Variants in CDIN1 observed in about 807,000 individuals in gnomAD.
The protein encoded by CDIN1 is CDAN1-interacting nuclease 1.
In CDIN1, 33 loss-of-function variants were observed where a neutral mutation model predicts 45.3. The ratio of observed to expected loss-of-function variants is 0.73; its 90% CI spans 0.55 to 0.97. The LOEUF (loss-of-function observed/expected upper bound fraction) is 0.97. Among genes scored for constraint, CDIN1 ranks in the 50% least tolerant of loss-of-function variants. The pLI, the probability that CDIN1 is intolerant of heterozygous loss-of-function variation, is 0.00. For synonymous variants in CDIN1, 118 were observed against 124.4 expected, an observed-to-expected ratio of 0.95 and a Z score of 0.34; for missense variants, 303 against 339.4, an observed-to-expected ratio of 0.89 and a Z score of 0.84.
chr15:36,769,133 C>A (rs1306660267), intron 10 of CDIN1, among the ~76,000 whole-genome samples: 2 of 152,112 alleles, frequency 1.3e-5, no homozygotes, highest in African/African-American at 4.8e-5. Context: ...ATTGAATATG[C>A]CTTTGGTTAG....
chr15:36,786,555 T>C (rs970127726), intron 10 of CDIN1, among the ~76,000 whole-genome samples: 1 of 152,174 alleles, frequency 6.6e-6, no homozygotes, highest in Non-Finnish European at 1.5e-5. Flanking sequence ...TTTCATAAGG[T>C]CAACTGTTTT....
chr15:36,772,631 A>C (rs1039621320), intron 10 of CDIN1, among the ~76,000 whole-genome samples: 5 of 152,190 alleles, frequency 3.3e-5, no homozygotes, highest in Non-Finnish European at 5.9e-5. Flanking sequence ...ATTGCTGTGC[A>C]CAAAGCCTGG....
chr15:36,772,364 C>T (rs2054102426), intron 10 of CDIN1, among the ~76,000 whole-genome samples: 1 of 152,162 alleles, frequency 6.6e-6, no homozygotes, highest in Admixed American at 6.5e-5. Context: ...CTTTGTTCCC[C>T]ACTCTGGGTA....
At chr15:36,727,879 A>AGG (rs2043696060) in intron 10 of CDIN1, among the ~76,000 whole-genome samples, 1 of 152,232 alleles carries the variant, frequency 6.6e-6, no homozygotes, top group African/African-American at 2.4e-5. Flanking sequence ...GGTAAAAAGT[A>AGG]GACCCTGGTA....
At chr15:36,653,862 C>T (rs1448128675) in intron 3 of CDIN1, among the ~76,000 whole-genome samples, 1 of 152,056 alleles carries the variant, frequency 6.6e-6, no homozygotes, top group Non-Finnish European at 1.5e-5. Flanking sequence ...ACAAGGGAGA[C>T]CTAAGTATTT....
intron 1 of CDIN1, among the ~76,000 whole-genome samples, chr15:36,612,597 A>G (rs1421956669): frequency 6.6e-6 from 1 of 152,174 alleles, no homozygotes; most frequent in Non-Finnish European, 1.5e-5. Context: ...TGTGTGCCTT[A>G]CTGATTGCTG....
chr15:36,808,351 G>A lies in CDIN1; in HGVS notation c.744G>A (p.Trp248Ter), dbSNP rs2055297931. The A allele has an allele frequency of 8.1e-6, 13 of 1,613,530 alleles. No individual in the cohort carries two copies. Among genetic ancestry groups the A allele is most frequent in the Non-Finnish European group, 1.1e-5 (13 of 1,179,586 alleles). ...NRFGPGLVIY[W>*]YGFIQELDCN... ...TTGGGCCAGGCTTAGTCATCTATTG[G>A]TATGGATTTATCCAGGAGCTGGACT... Residue 248 changes from tryptophan (W) to a stop codon, truncating the protein, a stop_gained, in exon 11 of 11, where the codon TGG becomes TGA. Transcript: ENST00000566621. LOFTEE classifies it high-confidence loss of function.
At chr15:36,745,625 G>A (rs2044392787) in intron 10 of CDIN1, among the ~76,000 whole-genome samples, 1 of 152,090 alleles carries the variant, frequency 6.6e-6, no homozygotes, top group Admixed American at 6.6e-5. Flanking sequence ...CTCTTAGGGT[G>A]TAAGCATAGA....
intron 10 of CDIN1, among the ~76,000 whole-genome samples, chr15:36,805,017 T>C (rs1040907329): frequency 5.9e-5 from 9 of 152,114 alleles, no homozygotes; most frequent in Admixed American, 1.3e-4. Flanking sequence ...TCATTACTTA[T>C]GAAAAACCTC....
At chr15:36,678,741 A>G (rs923540840) in intron 5 of CDIN1, among the ~76,000 whole-genome samples, 3 of 152,188 alleles carry the variant, frequency 2.0e-5, no homozygotes, top group Admixed American at 6.5e-5. Context: ...AGGGATCCCA[A>G]CGATATATGG....
intron 5 of CDIN1, among the ~76,000 whole-genome samples, chr15:36,680,307 T>G (rs556280287): frequency 6.6e-6 from 1 of 152,332 alleles, no homozygotes; most frequent in South Asian, 2.1e-4. Flanking sequence ...TAGAAGGATC[T>G]TTTTAAGTAT....
intron 5 of CDIN1, among the ~76,000 whole-genome samples, chr15:36,680,623 T>G (rs191424815): frequency 6.6e-6 from 1 of 152,268 alleles, no homozygotes; most frequent in East Asian, 1.9e-4. Context: ...GGGCTGGGCT[T>G]GGGTTTTGAA....
chr15:36,807,981 C>A (rs2055283802), intron 10 of CDIN1, among the ~76,000 whole-genome samples: 1 of 152,066 alleles, frequency 6.6e-6, no homozygotes, highest in African/African-American at 2.4e-5. Context: ...CTGGCATTCC[C>A]CAGCTCATTC....
intron 10 of CDIN1, among the ~76,000 whole-genome samples, chr15:36,745,674 T>G (rs2044394991): frequency 6.6e-6 from 1 of 152,158 alleles, no homozygotes; most frequent in African/African-American, 2.4e-5. Context: ...TTTAAGAATA[T>G]TACTTATGAG....
chr15:36,801,617 C>T (rs547561077), intron 10 of CDIN1, among the ~76,000 whole-genome samples: 1 of 152,144 alleles, frequency 6.6e-6, no homozygotes, highest in Non-Finnish European at 1.5e-5. Context: ...TATGAACAAG[C>T]TGTGGCAGTG....
intron 1 of CDIN1, among the ~76,000 whole-genome samples, chr15:36,634,120 A>T (rs1194271206): frequency 6.6e-6 from 1 of 151,982 alleles, no homozygotes; most frequent in Non-Finnish European, 1.5e-5. Context: ...GCTCTTCAGT[A>T]ATGTTTTATA....
chr15:36,631,971 C>T (rs1305351668), intron 1 of CDIN1, among the ~76,000 whole-genome samples: 4 of 152,150 alleles, frequency 2.6e-5, no homozygotes, highest in African/African-American at 7.2e-5. Context: ...GCTGGGACTA[C>T]AGGCGTGCAC....
Position 36,766,608 on chromosome 15 carries a change from C to T in CDIN1, c.717-41716C>T, listed in dbSNP as rs762924520. 1.5e-4 allele frequency among the ~76,000 whole-genome samples: 23 copies of T among 152,298 alleles called. No individual in the cohort carries two copies. In the Middle Eastern group the frequency reaches 0.01, roughly 68 times the overall value. ...TATTTCTTGTTGTTTTTATAATAGCCATTCTAACAGGTGAGCGGTGATATC... is the reference window on the plus strand; with the variant it reads ...TATTTCTTGTTGTTTTTATAATAGCTATTCTAACAGGTGAGCGGTGATATC... On this transcript the variant is annotated intron_variant, in intron 10 of 10. Coordinates refer to ENST00000566621, the MANE Select transcript of CDIN1 (RefSeq NM_001321759.2).
intron 5 of CDIN1, among the ~76,000 whole-genome samples, chr15:36,690,480 G>A (rs2042207578): frequency 6.6e-6 from 1 of 151,960 alleles, no homozygotes; most frequent in African/African-American, 2.4e-5. Flanking sequence ...TTGTTAGCCA[G>A]GATGGTCTTG....
Sources: gnomAD v4.1 joint callset for allele counts (sites outside exome capture counted in the v4.1 genomes callset) on GRCh38, gnomAD v4.1.1 for gene constraint, MANE v1.5 for transcripts, NCBI Gene and HGNC (gene_info 2026-07-23, HGNC 2026-07-21) for gene names.